The following CNN3 variants were observed in gnomAD, a reference collection of about 807,000 sequenced individuals.
CNN3 encodes calponin 3.
Under a neutral mutation model 39.0 loss-of-function variants are expected in CNN3, and 11 were observed. That is an observed-to-expected ratio of 0.28 (90% CI 0.18 to 0.47). The LOEUF (loss-of-function observed/expected upper bound fraction) is 0.47, where lower values mean the gene tolerates loss of function less well. CNN3 is among the 20% of genes least tolerant of loss of function. CNN3 has a pLI of 0.99. For missense variants in CNN3, 266 were observed against 403.4 expected (o/e 0.66, Z 2.92); for synonymous variants, 101 against 138.3 (o/e 0.73, Z 1.89).
intron 1 of CNN3, among the ~76,000 whole-genome samples, chr1:94,917,186 G>A (rs12125005): frequency 0.075 from 11,389 of 152,158 alleles, 514 homozygotes; most frequent in Middle Eastern, 0.099. Flanking sequence ...ACAGGCATGC[G>A]CCACCATGCC....
intron 3 of CNN3, 66 bp downstream of exon 3, chr1:94,903,056 G>T: frequency 6.6e-6 from 8 of 1,215,276 alleles, no homozygotes; most frequent in Non-Finnish European, 8.9e-6. Context: ...AACCAAACCT[G>T]AAATCAAGTT....
intron 1 of CNN3, chr1:94,925,636 T>C (rs1671555119): frequency 1.0e-6 from 1 of 985,458 alleles, no homozygotes; most frequent in Non-Finnish European, 1.2e-6. Flanking sequence ...TCATTACCTC[T>C]TTACATAATT....
At chr1:94,921,569 C>G (rs1026830128) in intron 1 of CNN3, among the ~76,000 whole-genome samples, 28 of 152,176 alleles carry the variant, frequency 1.8e-4, no homozygotes, top group Admixed American at 6.5e-4. Flanking sequence ...GCAGGAAACA[C>G]TAACCCTCAT....
intron 1 of CNN3, among the ~76,000 whole-genome samples, chr1:94,904,419 G>C (rs1050243386): frequency 6.6e-6 from 1 of 152,026 alleles, no homozygotes; most frequent in Non-Finnish European, 1.5e-5. Flanking sequence ...CCTTGTCCTG[G>C]AGTCCCCTTA....
chr1:94,912,581 TCC>T (rs1671193351), intron 1 of CNN3, among the ~76,000 whole-genome samples: 1 of 152,110 alleles, frequency 6.6e-6, no homozygotes, highest in Non-Finnish European at 1.5e-5. Flanking sequence ...CCTGCCCATG[TCC>T]CCTCCTTGAG....
At chr1:94,907,667 T>C (rs977775606) in intron 1 of CNN3, among the ~76,000 whole-genome samples, 9 of 152,186 alleles carry the variant, frequency 5.9e-5, no homozygotes, top group South Asian at 2.1e-4. Context: ...AAGACCATCC[T>C]GGCTAACACG....
chr1:94,925,637 T>C (rs950573720), intron 1 of CNN3: 2 of 985,304 alleles, frequency 2.0e-6, no homozygotes, highest in Non-Finnish European at 2.4e-6. Context: ...CATTACCTCT[T>C]TACATAATTC....
intron 5 of CNN3, among the ~76,000 whole-genome samples, chr1:94,900,660 AG>A (rs1670838627): frequency 6.6e-6 from 1 of 152,222 alleles, no homozygotes; most frequent in Non-Finnish European, 1.5e-5. Context: ...CTCAGTAGAA[AG>A]GGGCACTGTA....
intron 5 of CNN3, among the ~76,000 whole-genome samples, chr1:94,900,476 A>AT (rs950775575): frequency 6.6e-6 from 1 of 152,102 alleles, no homozygotes; most frequent in African/African-American, 2.4e-5. Context: ...TGATGATCTG[A>AT]TTTTTTTCCC....
chr1:94,912,080 T>TTA (rs374500173), intron 1 of CNN3, among the ~76,000 whole-genome samples: 1,716 of 152,000 alleles, frequency 0.011, 29 homozygotes, highest in African/African-American at 0.04. Context: ...AAAAAAAATT[T>TTA]TATATATATG....
rs1426928737 is a variant in CNN3 at position 94,902,110 on chromosome 1, C to T, written c.384+11G>A. ...GAATCTGTTAACCAGCCATTAAAGA[C>T]ATGTACGTACCAGACCTGCTAGAGC... On this transcript the variant is annotated intron_variant, in intron 4 of 6. Coordinates refer to ENST00000370206, the MANE Select transcript of CNN3 (RefSeq NM_001839.5). The T allele has an allele frequency of 1.2e-6, 2 of 1,605,414 alleles. No homozygotes were observed. Among genetic ancestry groups the T allele is most frequent in the African/African-American group, 2.7e-5 (2 of 74,742 alleles).
chr1:94,913,196 G>C (rs149340991), intron 1 of CNN3, among the ~76,000 whole-genome samples: 2 of 152,196 alleles, frequency 1.3e-5, no homozygotes, highest in African/African-American at 2.4e-5. Flanking sequence ...ACACTATCTT[G>C]GTCTGCATAG....
intron 1 of CNN3, among the ~76,000 whole-genome samples, chr1:94,911,283 G>T (rs928924030): frequency 6.6e-6 from 1 of 152,092 alleles, no homozygotes; most frequent in Non-Finnish European, 1.5e-5. Context: ...AATCATGCTC[G>T]CCTCAGGTAA....
intron 1 of CNN3, among the ~76,000 whole-genome samples, chr1:94,915,161 T>C (rs1671251389): frequency 6.6e-6 from 1 of 152,208 alleles, no homozygotes; most frequent in Admixed American, 6.5e-5. Flanking sequence ...CAAAGGTATT[T>C]TGTACTTTCT....
chr1:94,926,746 C>A lies in CNN3; in HGVS notation c.57+92G>T, dbSNP rs574883815. On this transcript the variant is annotated intron_variant, in intron 1 of 6. Coordinates refer to ENST00000370206, the MANE Select transcript of CNN3 (RefSeq NM_001839.5). This position sits in a 1 kb window ranked among gnomAD's most constrained non-coding sequence, Gnocchi z 4.2. Reference sequence around the variant, plus strand: ...GGCCCCTCTCCAGGAAAACGGTGAGCCACAGCGCGAAGAGCAAACGAAGCA... The same window carrying A: ...GGCCCCTCTCCAGGAAAACGGTGAGACACAGCGCGAAGAGCAAACGAAGCA... 187 of 1,381,038 alleles carry A rather than the reference C, an allele frequency of 1.4e-4. 1 individual carries two copies. In the South Asian group the frequency reaches 2.2e-3, roughly 16 times the overall value. The allele number at this position is 1,381,038 out of a possible 1,614,324, so 85.5% of individuals were successfully genotyped here. A position where few individuals can be genotyped will look rare whatever the true frequency, so the allele number is the denominator to read the frequency against.
chr1:94,899,339 C>T, intron 6 of CNN3, 32 bp downstream of exon 6: 1 of 1,594,266 alleles, frequency 6.3e-7, no homozygotes, highest in Middle Eastern at 1.7e-4. Flanking sequence ...GGTAAGTGTA[C>T]TCTTGTACAC....
At chr1:94,925,579 G>A (rs757324343) in intron 1 of CNN3, 2 of 981,072 alleles carry the variant, frequency 2.0e-6, no homozygotes, top group Non-Finnish European at 2.4e-6. Flanking sequence ...ACTAACAGCG[G>A]GAGACAAGAG....
In CNN3 at chr1:94,908,602, G is replaced by A. The variant is rs374080784; in HGVS notation, c.58-5078C>T. Among the ~76,000 whole-genome samples the A allele has an allele frequency of 4.6e-5, 7 of 152,122 alleles. No homozygotes were observed. The South Asian group carries it at 6.2e-4, about 14-fold the overall frequency. On this transcript the variant is annotated intron_variant, in intron 1 of 6. Coordinates refer to ENST00000370206, the MANE Select transcript of CNN3 (RefSeq NM_001839.5). ...GTCACCCAAGCTGGAGTGCCATAGC[G>A]TGATCTTGGCCCACTGCAACCTCCA...
Position 94,927,066 on chromosome 1 carries a change from A to G in CNN3, c.-172T>C. 1 of 619,538 alleles carries G rather than the reference A, an allele frequency of 1.6e-6. No homozygotes were observed. Among genetic ancestry groups the G allele is most frequent in the South Asian group, 2.0e-5 (1 of 48,814 alleles). 38.4% of individuals were successfully genotyped at this position (619,538 alleles called of 1,614,324 possible). A position where few individuals can be genotyped will look rare whatever the true frequency, so the allele number is the denominator to read the frequency against. ...GGCGGTGCCTGGGCGACTGGGTCCA[A>G]CTGGGTGCTACAGAGCCTCGAGCTC... On this transcript the variant is annotated 5_prime_UTR_variant, in exon 1 of 7. Coordinates refer to ENST00000370206, the MANE Select transcript of CNN3 (RefSeq NM_001839.5).
Sources: allele counts gnomAD v4.1 joint callset (sites outside exome capture counted in the v4.1 genomes callset), GRCh38; gene constraint gnomAD v4.1.1; non-coding constraint Gnocchi (gnomAD v3.1); transcripts MANE v1.5; gene names NCBI Gene and HGNC (gene_info 2026-07-23, HGNC 2026-07-21).